TTC27: variants seen among roughly 807,000 people sequenced by gnomAD.
TTC27 encodes tetratricopeptide repeat protein 27.
In TTC27, 79 loss-of-function variants were observed where a neutral mutation model predicts 115.9. That is an observed-to-expected ratio of 0.68 (90% CI 0.57 to 0.82). The LOEUF (loss-of-function observed/expected upper bound fraction) is 0.82. Among genes scored for constraint, TTC27 ranks in the 40% least tolerant of loss-of-function variants. The pLI is 0.00. For missense variants in TTC27, 1,054 were observed against 993.1 expected (o/e 1.06, Z -0.82); for synonymous variants, 401 against 356.0 (o/e 1.13, Z -1.42).
At chr2:32,666,600 G>C in intron 6 of TTC27, 35 bp from the exon 7 acceptor site, 1 of 1,609,120 alleles carries the variant, frequency 6.2e-7, no homozygotes, top group East Asian at 2.2e-5. Context: ...GATCTCATGG[G>C]TAAGTCAGTA....
intron 16 of TTC27, among the ~76,000 whole-genome samples, chr2:32,802,285 T>C (rs1283685825): frequency 6.6e-6 from 1 of 151,972 alleles, no homozygotes; most frequent in Non-Finnish European, 1.5e-5. Context: ...ATTTATTTAG[T>C]TTTTTAAAGT....
rs1158508588 is a variant in TTC27, at chr2:32,708,304, G to GTTTTTTTTTTTTTTTTT, written c.1233+5390_1233+5406dup. On this transcript the variant is annotated intron_variant, in intron 10 of 19. Coordinates refer to ENST00000317907, the MANE Select transcript of TTC27 (RefSeq NM_017735.5). ...AATAGCGTTTTCTTTTCTCTACCTT[G>GTTTTTTTTTTTTTTTTT]TTTTTTTTTTTTTTTTTTTTTTAAT... 9.3e-4 allele frequency among the ~76,000 whole-genome samples: 57 copies of GTTTTTTTTTTTTTTTTT among 61,352 alleles called. 4 individuals are homozygous for GTTTTTTTTTTTTTTTTT. Among genetic ancestry groups the GTTTTTTTTTTTTTTTTT allele is most frequent in the African/African-American group, 1.4e-3 (21 of 15,356 alleles). The allele number at this position is 61,352 out of a possible 152,430, so 40.2% of individuals were successfully genotyped here. A position where few individuals can be genotyped will look rare whatever the true frequency, so the allele number is the denominator to read the frequency against.
intron 3 of TTC27, among the ~76,000 whole-genome samples, chr2:32,637,625 C>G (rs1330415187): frequency 1.3e-5 from 2 of 152,182 alleles, no homozygotes; most frequent in African/African-American, 4.8e-5. Context: ...GCCACCGGGC[C>G]TGGCCAGGAT....
chr2:32,732,916 C>G (rs756478572), intron 10 of TTC27, among the ~76,000 whole-genome samples: 7 of 152,120 alleles, frequency 4.6e-5, no homozygotes, highest in Admixed American at 3.9e-4. Flanking sequence ...CATGATAATT[C>G]TCAGTTGAGA....
intron 13 of TTC27, among the ~76,000 whole-genome samples, chr2:32,772,602 T>C (rs1669866237): frequency 6.6e-6 from 1 of 152,236 alleles, no homozygotes; most frequent in African/African-American, 2.4e-5. Context: ...CATGATTTTC[T>C]CTATCTGTAG....
In TTC27 at chr2:32,633,980, C is replaced by G. The variant is rs1664315018; in HGVS notation, c.371C>G (p.Ser124Cys). Residue 124 changes from serine (S) to cysteine (C), a missense_variant, in exon 3 of 20, where the codon TCT (serine) becomes TGT (cysteine). By Grantham distance (112) the Ser-to-Cys change is moderately radical (BLOSUM62 -1). Coordinates refer to ENST00000317907, the MANE Select transcript of TTC27 (RefSeq NM_017735.5). The stretch of plus-strand genomic sequence containing the variant: ...TTACACCCTCAGGACTTTTTGTCAT[C>G]TGTTTTGTTCCAGCAATTCAGTGAG... Reference protein sequence around the residue: ...VDLHPQDFLSSVLFQQFSEVK... With the variant: ...VDLHPQDFLSCVLFQQFSEVK... 12 of 1,613,304 alleles carry G rather than the reference C, an allele frequency of 7.4e-6. No individual in the cohort carries two copies. Among genetic ancestry groups the G allele is most frequent in the Non-Finnish European group, 8.5e-6 (10 of 1,179,654 alleles).
chr2:32,773,084 A>G (rs752208903), intron 13 of TTC27, among the ~76,000 whole-genome samples: 12 of 152,232 alleles, frequency 7.9e-5, no homozygotes, highest in Non-Finnish European at 1.5e-4. Flanking sequence ...TATTTTTAAA[A>G]TAATTTAAAG....
intron 4 of TTC27, among the ~76,000 whole-genome samples, chr2:32,643,050 A>G (rs1664715658): frequency 6.6e-6 from 1 of 152,070 alleles, no homozygotes; most frequent in Non-Finnish European, 1.5e-5. Flanking sequence ...GCTCACTGCA[A>G]TCTACGCCTC....
Position 32,771,297 on chromosome 2 carries a change from G to A in TTC27, c.1681-6585G>A, listed in dbSNP as rs150805301. ...TCGCAATAATAGATGTTACGTAGTC[G>A]TTCTTTTCTTTTCTGCCTGTTGCAC... is the stretch of plus-strand genomic sequence containing the variant. On this transcript the variant is annotated intron_variant, in intron 13 of 19. Coordinates refer to ENST00000317907, the MANE Select transcript of TTC27 (RefSeq NM_017735.5). 3.9e-4 allele frequency among the ~76,000 whole-genome samples: 60 copies of A among 152,316 alleles called. No homozygotes were observed. In the East Asian group the frequency reaches 6.7e-3, roughly 17 times the overall value.
chr2:32,755,691 A>G (rs540180825), intron 12 of TTC27, among the ~76,000 whole-genome samples: 1 of 152,310 alleles, frequency 6.6e-6, no homozygotes, highest in South Asian at 2.1e-4. Flanking sequence ...ATCCTATAGG[A>G]GCAGTATCTA....
At position 32,723,971 on chromosome 2, in the gene TTC27, C is replaced by CTTTTTTTTTTT. The variant is rs36120062; in HGVS notation, c.1234-9850_1234-9840dup. 1.5e-3 allele frequency among the ~76,000 whole-genome samples: 143 copies of CTTTTTTTTTTT among 92,406 alleles called. 13 individuals are homozygous for CTTTTTTTTTTT. Among genetic ancestry groups the CTTTTTTTTTTT allele is most frequent in the African/African-American group, 4.1e-3 (99 of 24,026 alleles). 60.6% of individuals were successfully genotyped at this position (92,406 alleles called of 152,430 possible). Reference sequence around the variant, plus strand: ...TGAGCCACCAGCTGGCATACATAAGCTTTTTTTTTTTTTTTTTATAGAAAG... The same window carrying CTTTTTTTTTTT: ...TGAGCCACCAGCTGGCATACATAAGCTTTTTTTTTTTTTTTTTTTTTTTTTTTTATAGAAAG... On this transcript the variant is annotated intron_variant, in intron 10 of 19. Transcript: ENST00000317907.
At chr2:32,738,239 A>C (rs1395920745) in intron 12 of TTC27, among the ~76,000 whole-genome samples, 1 of 152,124 alleles carries the variant, frequency 6.6e-6, no homozygotes, top group Non-Finnish European at 1.5e-5. Context: ...AGCCTGCTTC[A>C]TGCTAGCTTT....
At chr2:32,817,025 C>T (rs1671521871) in intron 18 of TTC27, among the ~76,000 whole-genome samples, 1 of 152,034 alleles carries the variant, frequency 6.6e-6, no homozygotes, top group African/African-American at 2.4e-5. Flanking sequence ...AGGGTCTCTT[C>T]CCAGTGATCC....
chr2:32,696,338 G>A (rs539716657), intron 9 of TTC27, among the ~76,000 whole-genome samples: 1 of 150,716 alleles, frequency 6.6e-6, no homozygotes, highest in South Asian at 2.1e-4. Flanking sequence ...CGCCCAGACT[G>A]GAGTGCAGTG....
intron 14 of TTC27, among the ~76,000 whole-genome samples, chr2:32,778,605 G>T (rs149539994): frequency 1.6e-4 from 24 of 152,182 alleles, no homozygotes; most frequent in African/African-American, 5.3e-4. Context: ...CTTTTTGTGG[G>T]CTCTTGTGAC....
At chr2:32,678,984 T>C in intron 9 of TTC27, 62 bp downstream of exon 9, 4 of 1,427,304 alleles carry the variant, frequency 2.8e-6, no homozygotes, top group South Asian at 2.3e-5. Flanking sequence ...TCCTCTGGTA[T>C]GGTCTTGCCT....
Position 32,650,408 on chromosome 2 carries a change from A to G in TTC27, c.640+175A>G, listed in dbSNP as rs1326362309. 2.9e-4 allele frequency among the ~76,000 whole-genome samples: 37 copies of G among 126,518 alleles called. No individual in the cohort carries two copies. The highest frequency in any genetic ancestry group is 1.1e-3 in the African/African-American group (36 of 33,158). 83.0% of individuals were successfully genotyped at this position (126,518 alleles called of 152,430 possible). On this transcript the variant is annotated intron_variant, in intron 5 of 19. Transcript: ENST00000317907. ...ATATCACAAGTTGTTATGTTGTCAG[A>G]TTATAGAGTTCCTTTTAGTCTTTTT...
intron 15 of TTC27, among the ~76,000 whole-genome samples, chr2:32,785,623 T>G (rs2148020361): frequency 6.6e-6 from 1 of 152,328 alleles, no homozygotes; most frequent in East Asian, 1.9e-4. Flanking sequence ...TGAGACAGAG[T>G]CTCGCTCTGT....
chr2:32,643,573 C>T (rs1362995015), intron 4 of TTC27, among the ~76,000 whole-genome samples: 2 of 151,920 alleles, frequency 1.3e-5, no homozygotes, highest in Admixed American at 6.6e-5. Flanking sequence ...TTCCAAAGTG[C>T]TAGGATTACA....
Sources: allele counts gnomAD v4.1 joint callset (sites outside exome capture counted in the v4.1 genomes callset), GRCh38; gene constraint gnomAD v4.1.1; transcripts MANE v1.5; gene names NCBI Gene and HGNC (gene_info 2026-07-23, HGNC 2026-07-21).